The following DPYSL3 variants were observed in gnomAD, a reference collection of about 807,000 sequenced individuals.
DPYSL3 encodes the protein dihydropyrimidinase like 3.
A neutral mutation model predicts 66.1 loss-of-function variants in DPYSL3; 16 were observed. The observed-to-expected ratio is 0.24, with a 90% CI of 0.16 to 0.37. The LOEUF (loss-of-function observed/expected upper bound fraction) is 0.37. Ranked by LOEUF, DPYSL3 falls within the 10% of genes least tolerant of loss-of-function variation. The pLI is 1.00. For synonymous variants in DPYSL3, 338 were observed against 345.1 expected (o/e 0.98, Z 0.23); for missense variants, 738 against 916.2 (o/e 0.81, Z 2.51).
chr5:147,468,885 T>C (rs536991738), intron 1 of DPYSL3, among the ~76,000 whole-genome samples: 130 of 152,228 alleles, frequency 8.5e-4, no homozygotes, highest in African/African-American at 2.9e-3. Flanking sequence ...TTCTTTAGGA[T>C]AAAAAGATGA....
At chr5:147,440,731 T>A (rs1752515631) in intron 1 of DPYSL3, among the ~76,000 whole-genome samples, 1 of 152,222 alleles carries the variant, frequency 6.6e-6, no homozygotes, top group African/African-American at 2.4e-5. Context: ...ATTAAGTGGA[T>A]TCCAGGTCAC....
chr5:147,509,776 T>G lies in DPYSL3; in HGVS notation c.83A>C (p.Gln28Pro). 1 of 1,535,976 alleles carries G rather than the reference T, an allele frequency of 6.5e-7. No homozygotes were observed. The highest frequency in any genetic ancestry group is 8.7e-7 in the Non-Finnish European group (1 of 1,146,796). ...VYLARPGTTD[Q>P]VPRQKYGGMF... is the part of the protein sequence containing the mutation. Reference sequence around the variant, plus strand: ...GCCGCCGTATTTCTGCCGCGGGACCTGGTCCGTGGTGCCCGGCCTGGCCAG... The same window carrying G: ...GCCGCCGTATTTCTGCCGCGGGACCGGGTCCGTGGTGCCCGGCCTGGCCAG... The change falls in exon 1 of 14, where the codon CAG (glutamine) becomes CCG (proline). Residue 28 changes from glutamine to proline, a missense_variant. Physicochemically the swap from Gln to Pro is moderately conservative, Grantham distance 76. Coordinates refer to ENST00000343218, the MANE Select transcript of DPYSL3 (RefSeq NM_001197294.2). The surrounding 1 kb of genome is among the most constrained non-coding windows in gnomAD (Gnocchi z 5.3).
chr5:147,436,632 A>C (rs1437570190), intron 1 of DPYSL3, among the ~76,000 whole-genome samples: 1 of 152,180 alleles, frequency 6.6e-6, no homozygotes, highest in African/African-American at 2.4e-5. Flanking sequence ...TATAACTTTT[A>C]AAAGGAACTT....
At chr5:147,403,698 C>T (rs904288428) in intron 8 of DPYSL3, among the ~76,000 whole-genome samples, 1 of 152,198 alleles carries the variant, frequency 6.6e-6, no homozygotes, top group African/African-American at 2.4e-5. Flanking sequence ...TCAACCATAT[C>T]CTGCTCAGGA....
chr5:147,469,146 G>T (rs1753049772), intron 1 of DPYSL3, among the ~76,000 whole-genome samples: 1 of 152,212 alleles, frequency 6.6e-6, no homozygotes. Flanking sequence ...CCTGGCTCTG[G>T]AGCTGTTTGC....
chr5:147,442,926 C>T (rs1318601004), intron 1 of DPYSL3, among the ~76,000 whole-genome samples: 2 of 151,610 alleles, frequency 1.3e-5, no homozygotes, highest in African/African-American at 4.8e-5. Flanking sequence ...TTTTTATTGT[C>T]CTTATTGTTT....
rs977316982 is a variant in DPYSL3 at position 147,441,110 on chromosome 5, C to A, written c.382-16147G>T. 3.9e-4 allele frequency among the ~76,000 whole-genome samples: 59 copies of A among 152,058 alleles called. 1 individual carries two copies. Among genetic ancestry groups the A allele is most frequent in the Middle Eastern group, 3.4e-3 (1 of 294 alleles). On this transcript the variant is annotated intron_variant, in intron 1 of 13. Transcript: ENST00000343218. The stretch of plus-strand genomic sequence containing the variant: ...TAAATTTTATTTGGGGCTCCCTTTT[C>A]TGCTCTCTGAGAACTTCTCAAGTTT...
intron 12 of DPYSL3, 117 bp downstream of exon 12, chr5:147,397,549 A>G: frequency 9.0e-7 from 1 of 1,116,956 alleles, no homozygotes; most frequent in Admixed American, 2.4e-5. Context: ...CAAGACTGTC[A>G]CTGAATTTCT....
chr5:147,423,318 T>TGTTC (rs1213758444), intron 2 of DPYSL3, among the ~76,000 whole-genome samples: 1 of 150,728 alleles, frequency 6.6e-6, no homozygotes, highest in African/African-American at 2.5e-5. Flanking sequence ...TTCTTGGATT[T>TGTTC]GTTCATTCAT....
chr5:147,453,611 C>T, intron 1 of DPYSL3: 1 of 1,528,822 alleles, frequency 6.5e-7, no homozygotes, highest in Non-Finnish European at 8.8e-7. Context: ...GCTGCAGCGG[C>T]TGGCTCCCTC....
chr5:147,428,284 A>T (rs931176849), intron 1 of DPYSL3, among the ~76,000 whole-genome samples: 30 of 152,180 alleles, frequency 2.0e-4, no homozygotes, highest in African/African-American at 2.4e-5. Context: ...TGTTTTCACC[A>T]TGCAGAGCAA....
chr5:147,482,537 T>C (rs772188979), intron 1 of DPYSL3, among the ~76,000 whole-genome samples: 1 of 152,226 alleles, frequency 6.6e-6, no homozygotes, highest in Non-Finnish European at 1.5e-5. Context: ...AGAATGGCCC[T>C]ACTTATAATC....
intron 13 of DPYSL3, 143 bp from the exon 14 acceptor site, chr5:147,394,266 T>G: frequency 1.2e-6 from 1 of 804,704 alleles, no homozygotes; most frequent in Middle Eastern, 3.7e-4. Flanking sequence ...AAACTTCCAT[T>G]CCAGTCTATC....
chr5:147,444,169 C>T (rs1413323148), intron 1 of DPYSL3, among the ~76,000 whole-genome samples: 1 of 151,986 alleles, frequency 6.6e-6, no homozygotes, highest in South Asian at 2.1e-4. Flanking sequence ...AGCACCATAC[C>T]GTGGGGTTAA....
intron 4 of DPYSL3, among the ~76,000 whole-genome samples, chr5:147,414,631 A>C (rs2152021317): frequency 6.6e-6 from 1 of 152,304 alleles, no homozygotes; most frequent in East Asian, 1.9e-4. Flanking sequence ...TTTGATAAAG[A>C]AGTGAGTGTT....
At chr5:147,502,892 C>A (rs1753634561) in intron 1 of DPYSL3, among the ~76,000 whole-genome samples, 1 of 151,820 alleles carries the variant, frequency 6.6e-6, no homozygotes, top group African/African-American at 2.4e-5. Flanking sequence ...ATGCTTTTTG[C>A]AAAAATGAGT....
In DPYSL3 at chr5:147,400,698, C is replaced by T. The variant is rs1386504346; in HGVS notation, c.1446G>A (p.Lys482=). The change falls in exon 10 of 14, where the codon AAG becomes AAA. Residue 482 remains lysine, a synonymous_variant. Transcript: ENST00000343218. ...CATGACCTCCATGCCTTACCACAGCCTTGTCCCAGATGACAGACATCCGCT... is the reference window on the plus strand; with the variant it reads ...CATGACCTCCATGCCTTACCACAGCTTTGTCCCAGATGACAGACATCCGCT... ...VEERMSVIWD[K]AVATGKMDEN... is the part of the protein sequence containing the mutation. 6.2e-7 allele frequency: 1 copy of T among 1,614,080 alleles called. No homozygotes were observed.
At chr5:147,453,664 A>T in intron 1 of DPYSL3, 7 of 1,477,562 alleles carry the variant, frequency 4.7e-6, no homozygotes, top group Non-Finnish European at 6.3e-6. Context: ...TCCTCAGCGC[A>T]CAGCGCCCCG....
Position 147,408,765 on chromosome 5 carries a change from G to A in DPYSL3, c.995C>T (p.Thr332Ile), listed in dbSNP as rs201487610. 3.6e-4 allele frequency: 576 copies of A among 1,614,076 alleles called. No homozygotes were observed. The highest frequency in any genetic ancestry group is 4.4e-4 in the Non-Finnish European group (521 of 1,180,044). ...GCTCAGTACATGGCCTTCTGGGCCAGTTATCCCCATTTCCAACATGCGGGT... is the reference window on the plus strand; with the variant it reads ...GCTCAGTACATGGCCTTCTGGGCCAATTATCCCCATTTCCAACATGCGGGT... ...EQTRMLEMGI[T>I]GPEGHVLSRP... is the part of the protein sequence containing the mutation. Residue 332 changes from threonine (T) to isoleucine (I), a missense_variant, in exon 7 of 14, where the codon ACT (threonine) becomes ATT (isoleucine). Thr to Ile is a moderately conservative substitution (Grantham distance 89, BLOSUM62 -1). Transcript: ENST00000343218.
Sources: gnomAD v4.1 joint callset for allele counts (sites outside exome capture counted in the v4.1 genomes callset) on GRCh38, gnomAD v4.1.1 for gene constraint, Gnocchi (gnomAD v3.1) non-coding constraint, MANE v1.5 for transcripts, NCBI Gene and HGNC (gene_info 2026-07-23, HGNC 2026-07-21) for gene names.